EXOC6B: variants seen among roughly 807,000 people sequenced by gnomAD.
EXOC6B encodes SEC15 homolog B.
EXOC6B carries 54 observed loss-of-function variants against 113.5 expected under a neutral mutation model. The observed-to-expected ratio is 0.48, with a 90% CI of 0.38 to 0.60. EXOC6B has a LOEUF of 0.60. Ranked by LOEUF, EXOC6B falls within the 20% of genes least tolerant of loss-of-function variation. The pLI is 0.00. For missense variants in EXOC6B, 797 were observed against 977.5 expected (o/e 0.82, Z 2.46); for synonymous variants, 357 against 339.0 (o/e 1.05, Z -0.58).
At chr2:72,269,783 T>A (rs183196277) in intron 20 of EXOC6B, among the ~76,000 whole-genome samples, 50 of 152,174 alleles carry the variant, frequency 3.3e-4, no homozygotes, top group African/African-American at 1.1e-3. Flanking sequence ...AATTTTTATA[T>A]CACATGGTCT....
chr2:72,709,994 C>T (rs550970431), intron 6 of EXOC6B, among the ~76,000 whole-genome samples: 101 of 152,268 alleles, frequency 6.6e-4, no homozygotes, highest in African/African-American at 2.4e-3. Flanking sequence ...TAAAAATACT[C>T]ACAGAGAGAT....
chr2:72,337,561 A>G (rs1688762546), intron 19 of EXOC6B, among the ~76,000 whole-genome samples: 1 of 152,148 alleles, frequency 6.6e-6, no homozygotes, highest in African/African-American at 2.4e-5. Context: ...GATGTGATAC[A>G]TATTTAGTTT....
intron 6 of EXOC6B, among the ~76,000 whole-genome samples, chr2:72,587,116 T>C (rs1356725758): frequency 1.3e-5 from 2 of 152,184 alleles, no homozygotes; most frequent in African/African-American, 2.4e-5. Context: ...TGAACTCACA[T>C]GTTCATTGCA....
At chr2:72,549,265 A>G (rs1320921392) in intron 8 of EXOC6B, among the ~76,000 whole-genome samples, 1 of 152,176 alleles carries the variant, frequency 6.6e-6, no homozygotes, top group Admixed American at 6.5e-5. Context: ...AGCAGCTAAC[A>G]TATATATCAG....
intron 8 of EXOC6B, among the ~76,000 whole-genome samples, chr2:72,533,197 A>T (rs1332559083): frequency 1.3e-5 from 2 of 152,174 alleles, no homozygotes; most frequent in Non-Finnish European, 2.9e-5. Flanking sequence ...TCAGTGAAGG[A>T]TGATCTACTC....
intron 20 of EXOC6B, among the ~76,000 whole-genome samples, chr2:72,282,195 A>G (rs937366835): frequency 2.6e-5 from 4 of 152,154 alleles, no homozygotes; most frequent in African/African-American, 9.6e-5. Flanking sequence ...ATAGATGGAT[A>G]CATGTAAATA....
At chr2:72,550,843 A>T (rs1032970031) in intron 8 of EXOC6B, among the ~76,000 whole-genome samples, 4 of 152,140 alleles carry the variant, frequency 2.6e-5, no homozygotes, top group Non-Finnish European at 5.9e-5. Flanking sequence ...ACTTTTAAAA[A>T]TACCAATACT....
At chr2:72,710,745 T>C (rs1679219884) in intron 6 of EXOC6B, among the ~76,000 whole-genome samples, 1 of 152,198 alleles carries the variant, frequency 6.6e-6, no homozygotes, top group Admixed American at 6.5e-5. Flanking sequence ...AGAGTAAATT[T>C]TGCTGTAGTG....
intron 6 of EXOC6B, among the ~76,000 whole-genome samples, chr2:72,672,947 T>A (rs1248484493): frequency 6.6e-6 from 1 of 152,138 alleles, no homozygotes; most frequent in African/African-American, 2.4e-5. Context: ...ACTGGAATGT[T>A]CCTAGCATAA....
chr2:72,578,394 TC>T (rs1705005721), intron 6 of EXOC6B, among the ~76,000 whole-genome samples: 1 of 152,130 alleles, frequency 6.6e-6, no homozygotes, highest in African/African-American at 2.4e-5. Flanking sequence ...AGATGAATCT[TC>T]CAATTGGATG....
At position 72,631,440 on chromosome 2, in the gene EXOC6B, A is replaced by G. The variant is rs1449678552; in HGVS notation, c.670-55772T>C. 6.2e-3 allele frequency among the ~76,000 whole-genome samples: 338 copies of G among 54,306 alleles called. 11 individuals carry two copies. The highest frequency in any genetic ancestry group is 0.015 in the Middle Eastern group (2 of 132). 35.6% of individuals were successfully genotyped at this position (54,306 alleles called of 152,430 possible). ...TGTGTGTGTGTGTATATATATATAT[A>G]TATATATATATATATATATATAGAG... On this transcript the variant is annotated intron_variant, in intron 6 of 21. Transcript: ENST00000272427.
chr2:72,457,010 G>A (rs1346728801), intron 18 of EXOC6B, among the ~76,000 whole-genome samples: 6 of 150,022 alleles, frequency 4.0e-5, no homozygotes, highest in African/African-American at 1.5e-4. Context: ...AGGCATGGGG[G>A]GGAAAAAAAA....
chr2:72,238,939 C>T (rs1184778212), intron 20 of EXOC6B, among the ~76,000 whole-genome samples: 2 of 152,136 alleles, frequency 1.3e-5, no homozygotes, highest in African/African-American at 4.8e-5. Context: ...CACTCTGTTG[C>T]CCCGGCTGGA....
intron 1 of EXOC6B, among the ~76,000 whole-genome samples, chr2:72,810,696 T>C (rs971888021): frequency 3.9e-5 from 6 of 151,992 alleles, no homozygotes; most frequent in Non-Finnish European, 5.9e-5. Flanking sequence ...TTGACAAATA[T>C]GTAGCAAATC....
intron 7 of EXOC6B, among the ~76,000 whole-genome samples, chr2:72,567,159 A>C (rs528921477): frequency 6.6e-6 from 1 of 152,146 alleles, no homozygotes; most frequent in South Asian, 2.1e-4. Context: ...AAAATAATAC[A>C]AAAAGAAACA....
At chr2:72,438,084 G>A (rs1228241005) in intron 18 of EXOC6B, among the ~76,000 whole-genome samples, 1 of 152,058 alleles carries the variant, frequency 6.6e-6, no homozygotes, top group Non-Finnish European at 1.5e-5. Flanking sequence ...GAACTAAATT[G>A]AAAGCAGTGA....
chr2:72,533,919 A>C (rs1385084448), intron 8 of EXOC6B, among the ~76,000 whole-genome samples: 1 of 152,214 alleles, frequency 6.6e-6, no homozygotes, highest in Non-Finnish European at 1.5e-5. Flanking sequence ...AATATGACTC[A>C]TAAGAACAGG....
At chr2:72,196,622 TTTTG>T (rs1679186559) in intron 20 of EXOC6B, among the ~76,000 whole-genome samples, 1 of 152,188 alleles carries the variant, frequency 6.6e-6, no homozygotes, top group African/African-American at 2.4e-5. Context: ...AAGGGATCAT[TTTTG>T]TTTGTTTGTT....
At chr2:72,587,480 CTGAGTGACAGGATCATT>C (rs879677597) in intron 6 of EXOC6B, among the ~76,000 whole-genome samples, 3 of 152,168 alleles carry the variant, frequency 2.0e-5, no homozygotes, top group Non-Finnish European at 4.4e-5. Flanking sequence ...TGCTCACTAT[CTGAGTGACAGGATCATT>C]CACATCCCAA....
Sources: allele counts gnomAD v4.1 joint callset (sites outside exome capture counted in the v4.1 genomes callset), GRCh38; gene constraint gnomAD v4.1.1; transcripts MANE v1.5; gene names NCBI Gene and HGNC (gene_info 2026-07-23, HGNC 2026-07-21).